The following PNPO variants were observed in gnomAD, a reference collection of about 807,000 sequenced individuals.
The protein encoded by PNPO is pyridoxine-5'-phosphate oxidase.
Under a neutral mutation model 35.0 loss-of-function variants are expected in PNPO, and 39 were observed. The ratio of observed to expected loss-of-function variants is 1.11; its 90% CI spans 0.86 to 1.45. PNPO has a LOEUF of 1.45. PNPO is among the 40% of genes most tolerant of loss of function. The probability of loss-of-function intolerance (pLI) is 0.00; values close to 1 mark genes in which losing one functional copy is unlikely to be tolerated. For synonymous variants in PNPO, 115 were observed against 119.8 expected (o/e 0.96, Z 0.26); for missense variants, 288 against 340.0 (o/e 0.85, Z 1.20).
In PNPO at chr17:47,945,208, G is replaced by A. The variant is rs368569843; in HGVS notation, c.364-351G>A. The A allele has an allele frequency of 1.0e-5, 4 of 391,686 alleles. No individual in the cohort carries two copies. The highest frequency in any genetic ancestry group is 4.1e-5 in the African/African-American group (2 of 48,206). The allele number at this position is 391,686 out of a possible 1,614,324, so 24.3% of individuals were successfully genotyped here. On this transcript the variant is annotated intron_variant, in intron 3 of 6. Transcript: ENST00000642017. The surrounding 1 kb of genome is among the most constrained non-coding windows in gnomAD (Gnocchi z 4.0). ...GTCAGACCCAGAGTGGGCACTTCGC[G>A]TGCATTCAATGAATGAATCCAAAAT...
intron 5 of PNPO, 146 bp downstream of exon 5, chr17:47,946,135 G>A: frequency 8.5e-7 from 1 of 1,174,966 alleles, no homozygotes. Flanking sequence ...CAGTGAGAAG[G>A]GAAAGTGGGG....
chr17:47,946,999 G>A lies in PNPO; in HGVS notation c.*217G>A. ...AATGGTGGCGTAGAGAATCACAAAT[G>A]GAAAATAATTCCATAATTATTTTTT... On this transcript the variant is annotated 3_prime_UTR_variant, in exon 7 of 7. Transcript: ENST00000642017. The A allele has an allele frequency of 3.4e-6, 2 of 580,304 alleles. No individual in the cohort carries two copies. Among genetic ancestry groups the A allele is most frequent in the Non-Finnish European group, 3.1e-6 (1 of 325,442 alleles). 35.9% of individuals were successfully genotyped at this position (580,304 alleles called of 1,614,324 possible).
intron 3 of PNPO, 144 bp downstream of exon 3, chr17:47,944,859 T>C: frequency 1.4e-6 from 1 of 723,920 alleles, no homozygotes; most frequent in Non-Finnish European, 2.5e-6. Flanking sequence ...CCTTGGCACT[T>C]GCTGTGCTCT....
rs1198648980 is a variant in PNPO at position 47,947,091 on chromosome 17, G to A, written c.*309G>A. On this transcript the variant is annotated 3_prime_UTR_variant, in exon 7 of 7. Transcript: ENST00000642017. ...TAGCAGCCGGTGTGACTCCCTTTCT[G>A]GTGACAGACAGGGCCCCAGCAGCCC... 5 of 372,144 alleles carry A rather than the reference G, an allele frequency of 1.3e-5. No individual in the cohort carries two copies. The highest frequency in any genetic ancestry group is 1.0e-4 in the African/African-American group (5 of 48,230). The allele number at this position is 372,144 out of a possible 1,614,324, so 23.1% of individuals were successfully genotyped here. A position where few individuals can be genotyped will look rare whatever the true frequency, so the allele number is the denominator to read the frequency against.
rs1480602556 is a variant in PNPO at position 47,946,761 on chromosome 17, C to T, written c.765C>T (p.Leu255=). Reference sequence around the variant, plus strand: ...CCCACCGCGGGGAGGAAGACTGGCTCTATGAGAGACTTGCACCTTAACTCT... The same window carrying T: ...CCCACCGCGGGGAGGAAGACTGGCTTTATGAGAGACTTGCACCTTAACTCT... The part of the protein sequence containing the change: ...PMTHRGEEDW[L]YERLAP The change falls in exon 7 of 7, where the codon CTC becomes CTT. Residue 255 remains leucine, a synonymous_variant. Transcript: ENST00000642017. The T allele has an allele frequency of 1.2e-6, 2 of 1,614,166 alleles. No individual in the cohort carries two copies. The highest frequency in any genetic ancestry group is 1.7e-6 in the Non-Finnish European group (2 of 1,180,024).
intron 1 of PNPO, among the ~76,000 whole-genome samples, chr17:47,942,556 C>T (rs2035954594): frequency 6.6e-6 from 1 of 152,162 alleles, no homozygotes; most frequent in Admixed American, 6.5e-5. Flanking sequence ...GAGGAGAAAG[C>T]TCTTAGCTTA....
chr17:47,943,196 C>A (rs956867205), intron 1 of PNPO, 110 bp from the exon 2 acceptor site: 11 of 804,204 alleles, frequency 1.4e-5, no homozygotes, highest in African/African-American at 8.6e-5. Context: ...ATTTTAAGGT[C>A]ATTGTCATGA....
intron 3 of PNPO, 50 bp downstream of exon 3, chr17:47,944,765 C>T: frequency 6.9e-7 from 1 of 1,448,020 alleles, no homozygotes; most frequent in Non-Finnish European, 9.7e-7. Context: ...GGGTTTGGCT[C>T]TTGCTTCCTC....
rs1598198796 is a variant in PNPO at position 47,945,181 on chromosome 17, T to A, written c.364-378T>A. ...TGCTGTATCCCCCGCACGTCTCCTG[T>A]TGTCAGACCCAGAGTGGGCACTTCG... On this transcript the variant is annotated intron_variant, in intron 3 of 6. Coordinates refer to ENST00000642017, the MANE Select transcript of PNPO (RefSeq NM_018129.4). This position sits in a 1 kb window ranked among gnomAD's most constrained non-coding sequence, Gnocchi z 4.0. 2 of 383,664 alleles carry A rather than the reference T, an allele frequency of 5.2e-6. No individual in the cohort carries two copies. Among genetic ancestry groups the A allele is most frequent in the South Asian group, 4.4e-5 (2 of 45,770 alleles). 23.8% of individuals were successfully genotyped at this position (383,664 alleles called of 1,614,324 possible).
Position 47,945,768 on chromosome 17 carries a change from G to T in PNPO, c.418-93G>T. On this transcript the variant is annotated intron_variant, in intron 4 of 6. Coordinates refer to ENST00000642017, the MANE Select transcript of PNPO (RefSeq NM_018129.4). The surrounding 1 kb of genome is among the most constrained non-coding windows in gnomAD (Gnocchi z 4.0). ...CAGTTAGTTGGAGCCAAGAGTGGTG[G>T]GGCAGCCGATCGAACAGAGAGGAAC... is the stretch of plus-strand genomic sequence containing the variant. 1 of 1,530,034 alleles carries T rather than the reference G, an allele frequency of 6.5e-7. No homozygotes were observed. The highest frequency in any genetic ancestry group is 1.1e-5 in the South Asian group (1 of 87,618). 94.8% of individuals were successfully genotyped at this position (1,530,034 alleles called of 1,614,324 possible). A position where few individuals can be genotyped will look rare whatever the true frequency, so the allele number is the denominator to read the frequency against.
chr17:47,941,630 A>G lies in PNPO; in HGVS notation c.-46A>G. 1 of 1,490,638 alleles carries G rather than the reference A, an allele frequency of 6.7e-7. No individual in the cohort carries two copies. The highest frequency in any genetic ancestry group is 9.0e-7 in the Non-Finnish European group (1 of 1,111,388). The allele number at this position is 1,490,638 out of a possible 1,614,324, so 92.3% of individuals were successfully genotyped here. Reference sequence around the variant, plus strand: ...GAGAAATTGGTTCCGAACTCAAAGGAACCCAGTGCCGGGCCACAGCCGGGT... The same window carrying G: ...GAGAAATTGGTTCCGAACTCAAAGGGACCCAGTGCCGGGCCACAGCCGGGT... On this transcript the variant is annotated 5_prime_UTR_variant, in exon 1 of 7. Coordinates refer to ENST00000642017, the MANE Select transcript of PNPO (RefSeq NM_018129.4).
In PNPO at chr17:47,947,115, C is replaced by T. The variant is rs1249796932; in HGVS notation, c.*333C>T. On this transcript the variant is annotated 3_prime_UTR_variant, in exon 7 of 7. Transcript: ENST00000642017. ...TGGTGACAGACAGGGCCCCAGCAGC[C>T]CTGTCTGTTACCATGTGAGTCATAC... 2 of 344,668 alleles carry T rather than the reference C, an allele frequency of 5.8e-6. No individual in the cohort carries two copies. 21.4% of individuals were successfully genotyped at this position (344,668 alleles called of 1,614,324 possible). A position where few individuals can be genotyped will look rare whatever the true frequency, so the allele number is the denominator to read the frequency against.
intron 1 of PNPO, 39 bp downstream of exon 1, chr17:47,941,852 G>A (rs1567712372): frequency 1.3e-6 from 2 of 1,535,358 alleles, no homozygotes; most frequent in Admixed American, 3.9e-5. Flanking sequence ...AGGGGCGGGG[G>A]AAAAGGGGTC....
chr17:47,943,473 A>G (rs999899795), intron 2 of PNPO, 43 bp downstream of exon 2: 4 of 1,609,282 alleles, frequency 2.5e-6, no homozygotes, highest in Non-Finnish European at 3.4e-6. Context: ...ATACATATGA[A>G]CTAGGAAGCT....
rs2036018462 is a variant in PNPO at position 47,946,884 on chromosome 17, C to A, written c.*102C>A. 9.4e-7 allele frequency: 1 copy of A among 1,065,332 alleles called. No individual in the cohort carries two copies. The highest frequency in any genetic ancestry group is 1.4e-6 in the Non-Finnish European group (1 of 702,060). The allele number at this position is 1,065,332 out of a possible 1,614,324, so 66.0% of individuals were successfully genotyped here. On this transcript the variant is annotated 3_prime_UTR_variant, in exon 7 of 7. Transcript: ENST00000642017. ...CTTTCTAAACTCAACCCATTTCCCT[C>A]CCTACCCCTTATCTTCAGGACTCTT...
At position 47,943,362 on chromosome 17, in the gene PNPO, G is replaced by A. The variant is rs757132967; in HGVS notation, c.195G>A (p.Trp65Ter). The A allele has an allele frequency of 3.1e-6, 5 of 1,614,036 alleles. No individual in the cohort carries two copies. In the South Asian group the frequency reaches 3.3e-5, roughly 11 times the overall value. The change falls in exon 2 of 7, where the codon TGG becomes TGA. Residue 65 changes from tryptophan (W) to a stop codon, truncating the protein, a stop_gained. Transcript: ENST00000642017. LOFTEE classifies it high-confidence loss of function. ...SLDPVKQFAAWFEEAVQCPDI... is the reference protein window; with the variant it reads ...SLDPVKQFAA ...ACCCAGTGAAACAGTTTGCTGCCTG[G>A]TTTGAGGAGGCTGTTCAGTGTCCTG...
chr17:47,945,688 G>A lies in PNPO; in HGVS notation c.417+76G>A, dbSNP rs1323805193. 1 of 1,454,876 alleles carries A rather than the reference G, an allele frequency of 6.9e-7. No homozygotes were observed. The highest frequency in any genetic ancestry group is 2.3e-5 in the East Asian group (1 of 44,092). The allele number at this position is 1,454,876 out of a possible 1,614,324, so 90.1% of individuals were successfully genotyped here. ...TGAGTTTATGGCTACGTCTAGCGAA[G>A]GTCCCCAGACTGGGCAAACATCCCA... On this transcript the variant is annotated intron_variant, in intron 4 of 6. Coordinates refer to ENST00000642017, the MANE Select transcript of PNPO (RefSeq NM_018129.4). This position sits in a 1 kb window ranked among gnomAD's most constrained non-coding sequence, Gnocchi z 4.0.
chr17:47,945,959 C>G lies in PNPO; in HGVS notation c.516C>G (p.Ser172Arg), dbSNP rs754424529. 6.2e-7 allele frequency: 1 copy of G among 1,614,018 alleles called. No individual in the cohort carries two copies. The highest frequency in any genetic ancestry group is 2.2e-5 in the East Asian group (1 of 44,878). ...PKSSQIGAVV[S>R]HQSSVIPDRE... ...GCAGCCAGATTGGGGCTGTGGTCAG[C>G]CACCAGAGTTCTGTGATCCCTGATC... The change falls in exon 5 of 7, where the codon AGC becomes AGG. Residue 172 changes from serine (S) to arginine (R), a missense_variant. Physicochemically the swap from Ser to Arg is moderately radical, Grantham distance 110. Coordinates refer to ENST00000642017, the MANE Select transcript of PNPO (RefSeq NM_018129.4). The surrounding 1 kb of genome is among the most constrained non-coding windows in gnomAD (Gnocchi z 4.0).
chr17:47,946,147 T>G (rs1227801495), intron 5 of PNPO, 158 bp downstream of exon 5: 13 of 1,122,994 alleles, frequency 1.2e-5, no homozygotes, highest in African/African-American at 4.6e-5. Flanking sequence ...AAAGTGGGGG[T>G]AGGGAGAGGG....
Sources: allele counts gnomAD v4.1 joint callset (sites outside exome capture counted in the v4.1 genomes callset), GRCh38; gene constraint gnomAD v4.1.1; non-coding constraint Gnocchi (gnomAD v3.1); transcripts MANE v1.5; gene names NCBI Gene and HGNC (gene_info 2026-07-23, HGNC 2026-07-21).